KIF21A: variants seen among roughly 807,000 people sequenced by gnomAD.
KIF21A encodes kinesin-like protein KIF21A.
Under a neutral mutation model 202.9 loss-of-function variants are expected in KIF21A, and 114 were observed. The observed-to-expected ratio is 0.56, with a 90% CI of 0.48 to 0.66. The LOEUF is 0.66. Among genes scored for constraint, KIF21A ranks in the 30% least tolerant of loss-of-function variants. The pLI, the probability that KIF21A is intolerant of heterozygous loss-of-function variation, is 0.00. For missense variants in KIF21A, 1,677 were observed against 1,994.9 expected (o/e 0.84, Z 3.04); for synonymous variants, 667 against 670.8 (o/e 0.99, Z 0.09).
At chr12:39,295,016 T>C (rs1293705621) in intron 37 of KIF21A, among the ~76,000 whole-genome samples, 1 of 152,198 alleles carries the variant, frequency 6.6e-6, no homozygotes, top group African/African-American at 2.4e-5. Flanking sequence ...GGGAGAAAGC[T>C]GGGGCAGGGT....
chr12:39,303,563 T>C (rs1041920846), intron 35 of KIF21A, among the ~76,000 whole-genome samples: 1 of 152,184 alleles, frequency 6.6e-6, no homozygotes, highest in African/African-American at 2.4e-5. Flanking sequence ...ACCTGTGCCC[T>C]TTTTTTCACA....
chr12:39,429,076 T>C (rs1954986097), intron 1 of KIF21A, among the ~76,000 whole-genome samples: 1 of 152,178 alleles, frequency 6.6e-6, no homozygotes, highest in Non-Finnish European at 1.5e-5. Context: ...GTAAAAACCT[T>C]GTTGGTATAA....
In KIF21A at chr12:39,333,283, A is replaced by C. The variant is rs1270926553; in HGVS notation, c.2419-3T>G. 3 of 1,567,260 alleles carry C rather than the reference A, an allele frequency of 1.9e-6. No individual in the cohort carries two copies. Among genetic ancestry groups the C allele is most frequent in the Non-Finnish European group, 2.6e-6 (3 of 1,137,716 alleles). On this transcript the variant is annotated splice_polypyrimidine_tract_variant and splice_region_variant and intron_variant, in intron 17 of 37. Coordinates refer to ENST00000361418, the MANE Select transcript of KIF21A (RefSeq NM_001173464.2). ...GCTTCCAGAAGTCTAAGTTGATGCTATAAAATAATATTAAATAAGTGGAAA... is the reference window on the plus strand; with the variant it reads ...GCTTCCAGAAGTCTAAGTTGATGCTCTAAAATAATATTAAATAAGTGGAAA...
chr12:39,347,700 G>A (rs1038137208), intron 11 of KIF21A, among the ~76,000 whole-genome samples: 1 of 151,962 alleles, frequency 6.6e-6, no homozygotes, highest in Non-Finnish European at 1.5e-5. Context: ...ATATATACCA[G>A]TAATCAAATG....
rs1256520707 is a variant in KIF21A at position 39,311,571 on chromosome 12, C to A, written c.3960-18G>T. ...TTATGCCCCTAAGGTGGGGAAAAAA[C>A]AAACAAACCAAGACTCACTTCAGTA... On this transcript the variant is annotated intron_variant, in intron 31 of 37. Transcript: ENST00000361418. The A allele has an allele frequency of 1.2e-6, 2 of 1,611,670 alleles. No individual in the cohort carries two copies. The highest frequency in any genetic ancestry group is 2.2e-5 in the East Asian group (1 of 44,762).
chr12:39,403,057 T>C (rs1171665198), intron 1 of KIF21A, among the ~76,000 whole-genome samples: 1 of 152,088 alleles, frequency 6.6e-6, no homozygotes, highest in Non-Finnish European at 1.5e-5. Context: ...TCATCCCCAC[T>C]TAAAAGTCAA....
rs774683597 is a variant in KIF21A, at chr12:39,351,777, C to A, written c.1673G>T (p.Arg558Met). 1.3e-6 allele frequency: 2 copies of A among 1,531,642 alleles called. No individual in the cohort carries two copies. Among genetic ancestry groups the A allele is most frequent in the Non-Finnish European group, 1.8e-6 (2 of 1,107,792 alleles). The allele number at this position is 1,531,642 out of a possible 1,614,324, so 94.9% of individuals were successfully genotyped here. ...LKRKEKRKKK[R>M]LQKLEESNRE... ...TTTAGTGGTGATTTTATAATCCCAC[C>A]TTTTTTTCTTCCTCTTTTCTTTTCT... The change falls in exon 11 of 38, where the codon AGG becomes ATG. Residue 558 changes from arginine (R) to methionine (M), a missense_variant and splice_region_variant. Arg to Met is a moderately conservative substitution (Grantham distance 91). Around this residue, in one of 3 missense-constraint regions of KIF21A, gnomAD observed 966 missense variants for 1,180.9 expected, o/e 0.82. Transcript: ENST00000361418.
intron 1 of KIF21A, among the ~76,000 whole-genome samples, chr12:39,405,269 T>C (rs1208234256): frequency 1.3e-5 from 2 of 152,150 alleles, no homozygotes; most frequent in East Asian, 3.9e-4. Flanking sequence ...GGAGAATCTC[T>C]TGGACCCGGG....
chr12:39,348,299 C>A (rs1201554556), intron 11 of KIF21A, among the ~76,000 whole-genome samples: 1 of 152,070 alleles, frequency 6.6e-6, no homozygotes, highest in African/African-American at 2.4e-5. Context: ...TTCTTGCCAA[C>A]CATTCTAACA....
chr12:39,318,507 C>T (rs899954552), intron 28 of KIF21A, among the ~76,000 whole-genome samples: 1 of 152,160 alleles, frequency 6.6e-6, no homozygotes, highest in Non-Finnish European at 1.5e-5. Flanking sequence ...AAGTTGCTCA[C>T]TTTACAGATG....
chr12:39,331,814 G>T (rs1418518142), intron 21 of KIF21A, 23 bp from the exon 22 acceptor site: 1 of 1,517,508 alleles, frequency 6.6e-7, no homozygotes, highest in South Asian at 1.1e-5. Flanking sequence ...AGCATAATAT[G>T]ATGACCATTA....
intron 1 of KIF21A, among the ~76,000 whole-genome samples, chr12:39,378,820 A>C (rs1210433611): frequency 1.3e-5 from 2 of 152,196 alleles, no homozygotes; most frequent in African/African-American, 2.4e-5. Context: ...TATACAAAGG[A>C]TAAACGGAAT....
chr12:39,370,523 T>TACCCA (rs1949883919), intron 1 of KIF21A, among the ~76,000 whole-genome samples: 1 of 152,132 alleles, frequency 6.6e-6, no homozygotes, highest in Non-Finnish European at 1.5e-5. Context: ...ATTAGATACT[T>TACCCA]ACCCAAGTGG....
intron 29 of KIF21A, among the ~76,000 whole-genome samples, chr12:39,316,538 T>C (rs1355118469): frequency 3.9e-5 from 6 of 152,312 alleles, no homozygotes; most frequent in Middle Eastern, 3.4e-3. Context: ...TGGGGTACTT[T>C]AGTGGGCTTT....
intron 1 of KIF21A, among the ~76,000 whole-genome samples, chr12:39,405,757 C>T (rs528739409): frequency 6.6e-6 from 1 of 152,198 alleles, no homozygotes; most frequent in Non-Finnish European, 1.5e-5. Context: ...TACCAACAGA[C>T]ATTTCTCTGT....
chr12:39,366,597 A>G, intron 5 of KIF21A, 80 bp from the exon 6 acceptor site: 1 of 1,006,390 alleles, frequency 9.9e-7, no homozygotes, highest in East Asian at 2.6e-5. Context: ...CGCTTATCCC[A>G]TGTACACATA....
At chr12:39,365,331 C>T (rs921519143) in intron 6 of KIF21A, among the ~76,000 whole-genome samples, 3 of 152,192 alleles carry the variant, frequency 2.0e-5, no homozygotes, top group Non-Finnish European at 4.4e-5. Context: ...ATCTGGGCAG[C>T]AGGCAAAAAG....
chr12:39,390,919 T>A (rs1249867540), intron 1 of KIF21A, among the ~76,000 whole-genome samples: 1 of 152,180 alleles, frequency 6.6e-6, no homozygotes, highest in African/African-American at 2.4e-5. Flanking sequence ...GAGCCAGAAT[T>A]CAAGCCAATG....
chr12:39,324,187 A>C (rs1194453088), intron 26 of KIF21A, among the ~76,000 whole-genome samples: 1 of 152,272 alleles, frequency 6.6e-6, no homozygotes, highest in Admixed American at 6.5e-5. Context: ...GCACTTCAGA[A>C]AATGTTTTAA....
Sources: gnomAD v4.1 joint callset for allele counts (sites outside exome capture counted in the v4.1 genomes callset) on GRCh38, gnomAD v4.1.1 for gene constraint, gnomAD v4.1.1 regional missense constraint, MANE v1.5 for transcripts, NCBI Gene and HGNC (gene_info 2026-07-23, HGNC 2026-07-21) for gene names.